The following MCTP1 variants were observed in gnomAD, a reference collection of about 807,000 sequenced individuals.
MCTP1 encodes the protein multiple C2 and transmembrane domain containing 1.
MCTP1 carries 69 observed loss-of-function variants against 120.6 expected under a neutral mutation model. The observed-to-expected ratio is 0.57, with a 90% CI of 0.47 to 0.70. The LOEUF is 0.70. Among genes scored for constraint, MCTP1 ranks in the 30% least tolerant of loss-of-function variants. The pLI, the probability that MCTP1 is intolerant of heterozygous loss-of-function variation, is 0.00. For synonymous variants in MCTP1, 529 were observed against 493.1 expected (o/e 1.07, Z -0.96); for missense variants, 1,203 against 1,248.8 (o/e 0.96, Z 0.55).
intron 19 of MCTP1, among the ~76,000 whole-genome samples, chr5:94,754,844 G>A (rs1769379153): frequency 6.6e-6 from 1 of 152,066 alleles, no homozygotes; most frequent in Non-Finnish European, 1.5e-5. Context: ...CGTTCTCCCA[G>A]CCCATCCATT....
In MCTP1 at chr5:94,953,939, T is replaced by C. The variant is rs1294423264; in HGVS notation, c.839-578A>G. On this transcript the variant is annotated intron_variant, in intron 2 of 22. Transcript: ENST00000515393. Reference sequence around the variant, plus strand: ...TACAAATATAATATATGCATATATATACAAATATATATGCATATATATACA... The same window carrying C: ...TACAAATATAATATATGCATATATACACAAATATATATGCATATATATACA... Among the ~76,000 whole-genome samples the C allele has an allele frequency of 1.1e-4, 3 of 27,236 alleles. 1 individual carries two copies. Among genetic ancestry groups the C allele is most frequent in the African/African-American group, 1.0e-3 (3 of 2,864 alleles). The allele number at this position is 27,236 out of a possible 152,430, so 17.9% of individuals were successfully genotyped here.
At chr5:94,744,898 G>A (rs181628743) in intron 19 of MCTP1, among the ~76,000 whole-genome samples, 1 of 152,176 alleles carries the variant, frequency 6.6e-6, no homozygotes, top group African/African-American at 2.4e-5. Context: ...AATACAGTAA[G>A]GGGCTTTAAC....
At chr5:95,186,053 C>T (rs1282013033) in intron 1 of MCTP1, among the ~76,000 whole-genome samples, 1 of 151,522 alleles carries the variant, frequency 6.6e-6, no homozygotes, top group African/African-American at 2.4e-5. Flanking sequence ...GCCGAAATTG[C>T]GCCACTGCAC....
In MCTP1 at chr5:94,765,137, C is replaced by T. The variant is rs1332861748; in HGVS notation, c.2610+13973G>A. On this transcript the variant is annotated intron_variant, in intron 19 of 22. Coordinates refer to ENST00000515393, the MANE Select transcript of MCTP1 (RefSeq NM_024717.7). The stretch of plus-strand genomic sequence containing the variant: ...TATATGGAAAGGAAACAACATGCCG[C>T]TAAACAACAATTGGGTCAATGAAGT... Among the ~76,000 whole-genome samples the T allele has an allele frequency of 2.0e-5, 3 of 151,840 alleles. No individual in the cohort carries two copies. In the East Asian group the frequency reaches 5.8e-4, roughly 29 times the overall value.
chr5:94,911,339 G>A (rs1018793399), intron 9 of MCTP1, among the ~76,000 whole-genome samples: 3 of 152,132 alleles, frequency 2.0e-5, no homozygotes, highest in African/African-American at 7.2e-5. Context: ...AAGATGATAT[G>A]GTTTGGCTCT....
In MCTP1 at chr5:94,790,944, C is replaced by A. The variant is rs532580918; in HGVS notation, c.2556+8069G>T. Reference sequence around the variant, plus strand: ...TTACCAGAAAGGGACCCAAAAATTTCTTTAGGATTTTCTTTATAGTATTGA... The same window carrying A: ...TTACCAGAAAGGGACCCAAAAATTTATTTAGGATTTTCTTTATAGTATTGA... On this transcript the variant is annotated intron_variant, in intron 18 of 22. Transcript: ENST00000515393. Among the ~76,000 whole-genome samples, 8 of 152,066 alleles carry A rather than the reference C, an allele frequency of 5.3e-5. No homozygotes were observed. In the East Asian group the frequency reaches 1.5e-3, roughly 29 times the overall value.
intron 1 of MCTP1, among the ~76,000 whole-genome samples, chr5:95,102,692 A>C (rs539784822): frequency 4.0e-5 from 6 of 151,746 alleles, no homozygotes; most frequent in African/African-American, 1.5e-4. Context: ...GTAACAATCC[A>C]TGATTACAGT....
At chr5:94,823,912 TG>T (rs1786305684) in intron 17 of MCTP1, among the ~76,000 whole-genome samples, 1 of 152,238 alleles carries the variant, frequency 6.6e-6, no homozygotes, top group South Asian at 2.1e-4. Flanking sequence ...GAGACTTTGC[TG>T]AAGTTGCTTA....
chr5:95,122,583 C>T (rs1226608663), intron 1 of MCTP1, among the ~76,000 whole-genome samples: 1 of 152,110 alleles, frequency 6.6e-6, no homozygotes, highest in Non-Finnish European at 1.5e-5. Context: ...CTATAAACAG[C>T]CTGGAGGTTC....
At chr5:94,776,206 G>A (rs1194025504) in intron 19 of MCTP1, among the ~76,000 whole-genome samples, 1 of 152,050 alleles carries the variant, frequency 6.6e-6, no homozygotes, top group African/African-American at 2.4e-5. Flanking sequence ...AACACCCTAA[G>A]CTCAAATGAA....
chr5:94,874,591 G>A (rs1798419664), intron 12 of MCTP1, among the ~76,000 whole-genome samples: 1 of 152,112 alleles, frequency 6.6e-6, no homozygotes, highest in South Asian at 2.1e-4. Context: ...TAGAGAACTG[G>A]AAGTCTTAAA....
chr5:94,770,962 GA>G (rs1490474235), intron 19 of MCTP1, among the ~76,000 whole-genome samples: 1 of 152,008 alleles, frequency 6.6e-6, no homozygotes, highest in Non-Finnish European at 1.5e-5. Context: ...AGCACTTATT[GA>G]CATGAAACTG....
At chr5:95,208,514 C>T (rs1348111345) in intron 1 of MCTP1, among the ~76,000 whole-genome samples, 1 of 152,056 alleles carries the variant, frequency 6.6e-6, no homozygotes, top group Non-Finnish European at 1.5e-5. Context: ...TAGCTCATTC[C>T]TGACAATCTA....
At chr5:94,856,340 A>G (rs887300420) in intron 17 of MCTP1, among the ~76,000 whole-genome samples, 1 of 151,816 alleles carries the variant, frequency 6.6e-6, no homozygotes, top group East Asian at 1.9e-4. Flanking sequence ...CACTTAAATC[A>G]TATTTCCATA....
chr5:95,159,123 A>G (rs1227216530), intron 1 of MCTP1, among the ~76,000 whole-genome samples: 1 of 152,210 alleles, frequency 6.6e-6, no homozygotes, highest in Non-Finnish European at 1.5e-5. Flanking sequence ...AATTAAAGTC[A>G]AAGTACCTGA....
intron 13 of MCTP1, among the ~76,000 whole-genome samples, chr5:94,872,158 G>T (rs1797951734): frequency 1.3e-5 from 2 of 152,162 alleles, no homozygotes; most frequent in South Asian, 2.1e-4. Flanking sequence ...TGAATTAAGA[G>T]AAAACAATAA....
chr5:95,077,262 T>C (rs1342376685), intron 1 of MCTP1, among the ~76,000 whole-genome samples: 1 of 152,212 alleles, frequency 6.6e-6, no homozygotes, highest in African/African-American at 2.4e-5. Flanking sequence ...TGCATCTTGG[T>C]TATTTTCTTC....
At chr5:95,099,793 A>G (rs999784722) in intron 1 of MCTP1, among the ~76,000 whole-genome samples, 3 of 149,850 alleles carry the variant, frequency 2.0e-5, no homozygotes, top group African/African-American at 7.4e-5. Flanking sequence ...AAAGGACTAT[A>G]AATCATGCTG....
At chr5:95,223,204 C>A (rs1041288726) in intron 1 of MCTP1, among the ~76,000 whole-genome samples, 1 of 152,190 alleles carries the variant, frequency 6.6e-6, no homozygotes, top group Admixed American at 6.5e-5. Flanking sequence ...ATAATCCCAA[C>A]ATTTTGGGAG....
Sources: gnomAD v4.1 joint callset for allele counts (sites outside exome capture counted in the v4.1 genomes callset) on GRCh38, gnomAD v4.1.1 for gene constraint, MANE v1.5 for transcripts, NCBI Gene and HGNC (gene_info 2026-07-23, HGNC 2026-07-21) for gene names.